The following SPTBN5 variants were observed in gnomAD, a reference collection of about 807,000 sequenced individuals.
SPTBN5 encodes spectrin beta chain, non-erythrocytic 5.
A neutral mutation model predicts 477.6 loss-of-function variants in SPTBN5; 513 were observed. The ratio of observed to expected loss-of-function variants is 1.07; its 90% CI spans 1.00 to 1.16. The LOEUF is 1.16. SPTBN5 is among the 50% of genes most tolerant of loss of function. The probability of loss-of-function intolerance (pLI) is 0.00; values close to 1 mark genes in which losing one functional copy is unlikely to be tolerated. For synonymous variants in SPTBN5, 2,169 were observed against 2,011.7 expected, an observed-to-expected ratio of 1.08 and a Z score of -2.09; for missense variants, 5,062 against 4,731.8, an observed-to-expected ratio of 1.07 and a Z score of -2.05.
At chr15:41,882,867 C>T (rs868070484) in intron 9 of SPTBN5, 129 bp from the exon 10 acceptor site, 90 of 1,384,262 alleles carry the variant, frequency 6.5e-5, no homozygotes, top group Middle Eastern at 2.3e-4. Flanking sequence ...ACAGGTGAGA[C>T]GGAGGCTTTG....
chr15:41,859,403 C>T (rs2066027635), intron 47 of SPTBN5, among the ~76,000 whole-genome samples: 1 of 152,206 alleles, frequency 6.6e-6, no homozygotes, highest in Non-Finnish European at 1.5e-5. Flanking sequence ...AAATGATCCA[C>T]CTACCTCGGC....
rs746664977 is a variant in SPTBN5 at position 41,872,258 on chromosome 15, A to G, written c.5165+44T>C. 10 of 1,577,750 alleles carry G rather than the reference A, an allele frequency of 6.3e-6. No individual in the cohort carries two copies. In the East Asian group the frequency reaches 2.3e-4, roughly 36 times the overall value. ...GGCATGGGAACAGTCAGCTGTGGCTAGGCCTCCTGTACCCACTGATGAGAG... is the reference window on the plus strand; with the variant it reads ...GGCATGGGAACAGTCAGCTGTGGCTGGGCCTCCTGTACCCACTGATGAGAG... On this transcript the variant is annotated intron_variant, in intron 27 of 67. Coordinates refer to ENST00000320955, the MANE Select transcript of SPTBN5 (RefSeq NM_016642.4).
At chr15:41,852,499 A>C in intron 61 of SPTBN5, 135 bp downstream of exon 61, 1 of 1,295,940 alleles carries the variant, frequency 7.7e-7, no homozygotes, top group Non-Finnish European at 1.1e-6. Context: ...CTCTCCCACC[A>C]CCGCAGCTGG....
Position 41,869,981 on chromosome 15 carries a change from G to A in SPTBN5, c.5713C>T (p.Leu1905=). ...GCATGGGCCTGAGGCCCCGGACACAGCTTCTGCACCCTGCCTGCAGTCTCC... is the reference window on the plus strand; with the variant it reads ...GCATGGGCCTGAGGCCCCGGACACAACTTCTGCACCCTGCCTGCAGTCTCC... ...LLETAGRVQK[L]CPGPQAHAVQ... is the part of the protein sequence containing the mutation. Residue 1905 remains leucine (L), a synonymous_variant, in exon 32 of 68, where the codon CTG becomes TTG. Coordinates refer to ENST00000320955, the MANE Select transcript of SPTBN5 (RefSeq NM_016642.4). The A allele has an allele frequency of 1.3e-6, 2 of 1,529,600 alleles. No individual in the cohort carries two copies. The highest frequency in any genetic ancestry group is 1.8e-6 in the Non-Finnish European group (2 of 1,136,914). The allele number at this position is 1,529,600 out of a possible 1,614,324, so 94.8% of individuals were successfully genotyped here.
At chr15:41,873,751 A>G in intron 25 of SPTBN5, 94 bp downstream of exon 25, 1 of 1,544,174 alleles carries the variant, frequency 6.5e-7, no homozygotes, top group Non-Finnish European at 8.8e-7. Context: ...CAGAGCCCCC[A>G]CCACTGATCC....
In SPTBN5 at chr15:41,861,930, C is replaced by T. The variant is rs747863659; in HGVS notation, c.7549-7G>A. On this transcript the variant is annotated splice_polypyrimidine_tract_variant and splice_region_variant and intron_variant, in intron 44 of 67. Coordinates refer to ENST00000320955, the MANE Select transcript of SPTBN5 (RefSeq NM_016642.4). ...TCCAGGAGTCCAGCTCGGCCTGGAA[C>T]AGGACTGGGCTCAGATCACTGGGGG... 10 of 1,595,628 alleles carry T rather than the reference C, an allele frequency of 6.3e-6. No individual in the cohort carries two copies. The highest frequency in any genetic ancestry group is 1.1e-5 in the South Asian group (1 of 88,822).
chr15:41,874,862 C>T lies in SPTBN5; in HGVS notation c.4482G>A (p.Glu1494=), dbSNP rs777127007. 3.1e-6 allele frequency: 5 copies of T among 1,607,534 alleles called. No individual in the cohort carries two copies. The highest frequency in any genetic ancestry group is 2.2e-5 in the South Asian group (2 of 90,964). ...CCCACCTCCGGAGGTGCTTCTGGGT[C>T]TCTTCCAGGATGGCCGGGGAGGCGG... ...GMAASPAILE[E]TQKHLRRLEL... is the part of the protein sequence containing the mutation. The change falls in exon 23 of 68, where the codon GAG becomes GAA. Residue 1494 remains glutamate, a synonymous_variant. Coordinates refer to ENST00000320955, the MANE Select transcript of SPTBN5 (RefSeq NM_016642.4).
Position 41,851,351 on chromosome 15 carries a change from C to A in SPTBN5, c.10675G>T (p.Asp3559Tyr), listed in dbSNP as rs957848404. ...CCCTGCAAGTTCCCGCGGCAGCTGT[C>A]CCAGGAGCTCGAGCTAGGCTGTGGA... Reference protein sequence around the residue: ...GGRQPSSSSWDSCRGNLQGSS... With the variant: ...GGRQPSSSSWYSCRGNLQGSS... The change falls in exon 64 of 68, where the codon GAC becomes TAC. Residue 3559 changes from aspartate (D) to tyrosine (Y), a missense_variant. Coordinates refer to ENST00000320955, the MANE Select transcript of SPTBN5 (RefSeq NM_016642.4). The A allele has an allele frequency of 4.5e-6, 7 of 1,550,844 alleles. No individual in the cohort carries two copies. Among genetic ancestry groups the A allele is most frequent in the Non-Finnish European group, 6.1e-6 (7 of 1,146,920 alleles).
In SPTBN5 at chr15:41,863,816, C is replaced by T; in HGVS notation, c.7037G>A (p.Trp2346Ter). The T allele has an allele frequency of 6.2e-7, 1 of 1,613,848 alleles. No individual in the cohort carries two copies. ...GAGCAAGTTGCCATGGAAACTCGCC[C>T]ACCTGGCCAAGGGGTGGTGGTGTCA... ...CQRRSQLNNR[W>*]ASFHGNLLRY... The change falls in exon 41 of 68, where the codon TGG (tryptophan) becomes TAG (stop). Residue 2346 changes from tryptophan to a stop codon, truncating the protein, a stop_gained and splice_region_variant. Transcript: ENST00000320955. LOFTEE classifies it high-confidence loss of function.
chr15:41,866,831 G>C, intron 36 of SPTBN5, 128 bp downstream of exon 36: 1 of 1,253,588 alleles, frequency 8.0e-7, no homozygotes, highest in South Asian at 1.5e-5. Flanking sequence ...CTGGGCTCCA[G>C]CACAGCCTCT....
Position 41,879,249 on chromosome 15 carries a change from G to A in SPTBN5, c.3182+11C>T, listed in dbSNP as rs1200953326. ...CACTGCCTCCCAATGCCACCACTGCGCTGGCCGTACTTTACGACCACACTT... is the reference window on the plus strand; with the variant it reads ...CACTGCCTCCCAATGCCACCACTGCACTGGCCGTACTTTACGACCACACTT... On this transcript the variant is annotated intron_variant, in intron 16 of 67. Coordinates refer to ENST00000320955, the MANE Select transcript of SPTBN5 (RefSeq NM_016642.4). 24 of 1,603,930 alleles carry A rather than the reference G, an allele frequency of 1.5e-5. No individual in the cohort carries two copies. Among genetic ancestry groups the A allele is most frequent in the Middle Eastern group, 1.8e-4 (1 of 5,692 alleles).
At position 41,853,799 on chromosome 15, in the gene SPTBN5, G is replaced by C; in HGVS notation, c.9775-12C>G. ...GCTTCCAGCTCTCTCTGCAACCAGAGCATGAGATCAGGCCTCAGTCCCCCC... is the reference window on the plus strand; with the variant it reads ...GCTTCCAGCTCTCTCTGCAACCAGACCATGAGATCAGGCCTCAGTCCCCCC... On this transcript the variant is annotated splice_polypyrimidine_tract_variant and intron_variant, in intron 57 of 67. Transcript: ENST00000320955. The C allele has an allele frequency of 6.5e-7, 1 of 1,548,738 alleles. No homozygotes were observed. Among genetic ancestry groups the C allele is most frequent in the Non-Finnish European group, 8.7e-7 (1 of 1,145,186 alleles).
chr15:41,865,920 T>A lies in SPTBN5; in HGVS notation c.6823-17A>T. 1 of 1,559,730 alleles carries A rather than the reference T, an allele frequency of 6.4e-7. No individual in the cohort carries two copies. Among genetic ancestry groups the A allele is most frequent in the African/African-American group, 1.4e-5 (1 of 73,524 alleles). Reference sequence around the variant, plus strand: ...CTTCACCTCCTGTGAAGGCCGAGGGTGGGGAGGGAGCGCTGTGAGCACCAG... The same window carrying A: ...CTTCACCTCCTGTGAAGGCCGAGGGAGGGGAGGGAGCGCTGTGAGCACCAG... On this transcript the variant is annotated splice_polypyrimidine_tract_variant and intron_variant, in intron 38 of 67. Coordinates refer to ENST00000320955, the MANE Select transcript of SPTBN5 (RefSeq NM_016642.4).
intron 39 of SPTBN5, 106 bp downstream of exon 39, chr15:41,865,702 G>A (rs1368227086): frequency 9.7e-7 from 1 of 1,035,026 alleles, no homozygotes; most frequent in Non-Finnish European, 1.4e-6. Context: ...GGAGGAGCAG[G>A]CATGGCGCCC....
chr15:41,877,327 G>T lies in SPTBN5; in HGVS notation c.3500C>A (p.Pro1167His), dbSNP rs2066775843. Residue 1167 changes from proline (P) to histidine (H), a missense_variant, in exon 18 of 68, where the codon CCC becomes CAC. By Grantham distance (77) the Pro-to-His change is moderately conservative. Transcript: ENST00000320955. ...RLQQLDAQSQ[P>H]MAALDCPDSQ... ...GTCTGGGCAGTCCAAGGCTGCCATGGGCTGGCTCTGAGCGTCCAGCTGCTG... is the reference window on the plus strand; with the variant it reads ...GTCTGGGCAGTCCAAGGCTGCCATGTGCTGGCTCTGAGCGTCCAGCTGCTG... 1 of 1,609,982 alleles carries T rather than the reference G, an allele frequency of 6.2e-7. No individual in the cohort carries two copies. The highest frequency in any genetic ancestry group is 2.2e-5 in the East Asian group (1 of 44,760).
chr15:41,854,512 C>A (rs1173216224), intron 56 of SPTBN5, among the ~76,000 whole-genome samples: 1 of 151,988 alleles, frequency 6.6e-6, no homozygotes, highest in Non-Finnish European at 1.5e-5. Context: ...TCTGGCTGAC[C>A]CTGGCAGTAC....
In SPTBN5 at chr15:41,863,810, C is replaced by T; in HGVS notation, c.7043G>A (p.Ser2348Asn). 1 of 1,613,866 alleles carries T rather than the reference C, an allele frequency of 6.2e-7. No individual in the cohort carries two copies. Among genetic ancestry groups the T allele is most frequent in the Non-Finnish European group, 8.5e-7 (1 of 1,179,860 alleles). The change falls in exon 41 of 68, where the codon AGT (serine) becomes AAT (asparagine). Residue 2348 changes from serine to asparagine, a missense_variant. Physicochemically the swap from Ser to Asn is conservative, Grantham distance 46 (BLOSUM62 1). Transcript: ENST00000320955. Reference sequence around the variant, plus strand: ...GTACCGGAGCAAGTTGCCATGGAAACTCGCCCACCTGGCCAAGGGGTGGTG... The same window carrying T: ...GTACCGGAGCAAGTTGCCATGGAAATTCGCCCACCTGGCCAAGGGGTGGTG... ...RRSQLNNRWA[S>N]FHGNLLRYQQ...
intron 35 of SPTBN5, among the ~76,000 whole-genome samples, 185 bp from the exon 36 acceptor site, chr15:41,867,311 G>A (rs2066358773): frequency 6.6e-6 from 1 of 152,170 alleles, no homozygotes; most frequent in African/African-American, 2.4e-5. Context: ...ACACGGTGTG[G>A]ACAGAGCCAA....
chr15:41,871,781 C>A lies in SPTBN5; in HGVS notation c.5301+1G>T. ...CTCCTTGACCCTGGCCCTCTTCTCA[C>A]CAGGGCGTGCTCGGGGTCCTCTCCC... On this transcript the variant is annotated splice_donor_variant, in intron 28 of 67. Coordinates refer to ENST00000320955, the MANE Select transcript of SPTBN5 (RefSeq NM_016642.4). LOFTEE classifies it high-confidence loss of function. The A allele has an allele frequency of 6.3e-7, 1 of 1,581,586 alleles. No individual in the cohort carries two copies. The highest frequency in any genetic ancestry group is 8.6e-7 in the Non-Finnish European group (1 of 1,163,406).
Sources: allele counts gnomAD v4.1 joint callset (sites outside exome capture counted in the v4.1 genomes callset), GRCh38; gene constraint gnomAD v4.1.1; transcripts MANE v1.5; gene names NCBI Gene and HGNC (gene_info 2026-07-23, HGNC 2026-07-21).